The following IMMP2L variants were observed in gnomAD, a reference collection of about 807,000 sequenced individuals.
IMMP2L encodes the protein mitochondrial inner membrane protease subunit 2.
Under a neutral mutation model 19.3 loss-of-function variants are expected in IMMP2L, and 18 were observed. The ratio of observed to expected loss-of-function variants is 0.93; its 90% CI spans 0.64 to 1.38. IMMP2L has a LOEUF of 1.38. Ranked by LOEUF, IMMP2L falls within the 40% of genes most tolerant of loss-of-function variation. IMMP2L has a pLI of 0.00. For missense variants in IMMP2L, 233 were observed against 218.2 expected (o/e 1.07, Z -0.43); for synonymous variants, 76 against 73.0 (o/e 1.04, Z -0.21).
At chr7:111,447,004 AG>A (rs1462215752) in intron 3 of IMMP2L, among the ~76,000 whole-genome samples, 2 of 147,460 alleles carry the variant, frequency 1.4e-5, no homozygotes, top group African/African-American at 5.1e-5. Flanking sequence ...GGAAGTTTAG[AG>A]AAAAAAGAAT....
chr7:110,915,736 T>A (rs573639480), intron 4 of IMMP2L, among the ~76,000 whole-genome samples: 92 of 152,268 alleles, frequency 6.0e-4, no homozygotes, highest in African/African-American at 2.1e-3. Context: ...CTGTACACTT[T>A]GAATGTACAT....
intron 5 of IMMP2L, among the ~76,000 whole-genome samples, chr7:110,881,990 C>T (rs1363268077): frequency 1.3e-5 from 2 of 152,068 alleles, no homozygotes; most frequent in Non-Finnish European, 2.9e-5. Flanking sequence ...TCTCTCATAC[C>T]CCCATCTAGA....
chr7:110,705,416 G>A (rs1794589425), intron 5 of IMMP2L, among the ~76,000 whole-genome samples: 1 of 151,674 alleles, frequency 6.6e-6, no homozygotes, highest in South Asian at 2.1e-4. Flanking sequence ...GCTGTGAACT[G>A]ATTTGTCCAA....
chr7:110,895,048 G>C (rs1214071231), intron 4 of IMMP2L, among the ~76,000 whole-genome samples: 2 of 152,118 alleles, frequency 1.3e-5, no homozygotes, highest in Admixed American at 6.6e-5. Context: ...ATTTACAAAA[G>C]GAAGAAGTTT....
At chr7:111,125,969 G>A (rs1190819127) in intron 3 of IMMP2L, among the ~76,000 whole-genome samples, 1 of 151,616 alleles carries the variant, frequency 6.6e-6, no homozygotes, top group Non-Finnish European at 1.5e-5. Flanking sequence ...ATTACAGGCA[G>A]GTGACTACAT....
intron 3 of IMMP2L, among the ~76,000 whole-genome samples, chr7:111,117,764 A>G (rs1800065759): frequency 6.6e-6 from 1 of 152,076 alleles, no homozygotes. Context: ...GAACTTAGCC[A>G]GCAATTTGCT....
chr7:110,908,785 T>C (rs1180285184), intron 4 of IMMP2L, among the ~76,000 whole-genome samples: 1 of 152,246 alleles, frequency 6.6e-6, no homozygotes, highest in Non-Finnish European at 1.5e-5. Flanking sequence ...AGTAAATAAC[T>C]GGATTCACAA....
intron 5 of IMMP2L, among the ~76,000 whole-genome samples, chr7:110,739,582 G>C (rs541628468): frequency 1.2e-4 from 19 of 152,202 alleles, no homozygotes; most frequent in Non-Finnish European, 2.6e-4. Context: ...ACTAGACCTA[G>C]AAATGAGATA....
chr7:111,521,387 C>T lies in IMMP2L; in HGVS notation c.61G>A (p.Val21Met), dbSNP rs767476647. The change falls in exon 2 of 6, where the codon GTG becomes ATG. Residue 21 changes from valine to methionine, a missense_variant. Physicochemically the swap from Val to Met is conservative, Grantham distance 21. Coordinates refer to ENST00000405709, the MANE Select transcript of IMMP2L (RefSeq NM_032549.4). ...YIKAFCKGFF[V>M]AVPVAVTFLD... is the part of the protein sequence containing the mutation. ...AAAGTCACTGCCACAGGCACCGCCA[C>T]AAAGAAGCCTTTACAAAAGGCCTTG... 6 of 1,613,204 alleles carry T rather than the reference C, an allele frequency of 3.7e-6. No homozygotes were observed. In the African/African-American group the frequency reaches 5.3e-5, roughly 14 times the overall value.
intron 5 of IMMP2L, among the ~76,000 whole-genome samples, chr7:110,774,346 T>A (rs772390219): frequency 3.9e-5 from 6 of 152,100 alleles, no homozygotes; most frequent in Non-Finnish European, 7.4e-5. Context: ...AAAGGCAAAG[T>A]TAGTATGTAA....
At chr7:111,135,974 G>A (rs1232456053) in intron 3 of IMMP2L, among the ~76,000 whole-genome samples, 2 of 151,876 alleles carry the variant, frequency 1.3e-5, no homozygotes, top group East Asian at 3.9e-4. Context: ...TGATGTGACT[G>A]ACAGACATTA....
chr7:110,963,770 A>G lies in IMMP2L; in HGVS notation c.240-205T>C, dbSNP rs184230368. On this transcript the variant is annotated intron_variant, in intron 3 of 5. Coordinates refer to ENST00000405709, the MANE Select transcript of IMMP2L (RefSeq NM_032549.4). Reference sequence around the variant, plus strand: ...TCATTTTAAATAAACTCTGGGGGGGAAAAAAGCCATGTTAAAACTTTACAA... The same window carrying G: ...TCATTTTAAATAAACTCTGGGGGGGGAAAAAGCCATGTTAAAACTTTACAA... 1.1e-3 allele frequency among the ~76,000 whole-genome samples: 167 copies of G among 152,006 alleles called. 1 individual carries two copies. The highest frequency in any genetic ancestry group is 4.2e-3 in the Admixed American group (64 of 15,244).
At chr7:111,172,095 G>A (rs1269106615) in intron 3 of IMMP2L, among the ~76,000 whole-genome samples, 5 of 151,404 alleles carry the variant, frequency 3.3e-5, no homozygotes, top group Non-Finnish European at 5.9e-5. Flanking sequence ...GTGAATCTAT[G>A]TATAGTCAAG....
chr7:110,816,510 C>T lies in IMMP2L; in HGVS notation c.408+70083G>A, dbSNP rs555012484. Among the ~76,000 whole-genome samples the T allele has an allele frequency of 1.2e-4, 18 of 151,768 alleles. 1 individual carries two copies. The East Asian group carries it at 3.5e-3, about 30-fold the overall frequency. ...CTTGGTGCAGAGCTGAGTTCAATTC[C>T]TGGGTATCCTTGTTAACTTTCTGTC... On this transcript the variant is annotated intron_variant, in intron 5 of 5. Coordinates refer to ENST00000405709, the MANE Select transcript of IMMP2L (RefSeq NM_032549.4).
intron 3 of IMMP2L, among the ~76,000 whole-genome samples, chr7:111,252,642 T>C (rs899620446): frequency 1.3e-5 from 2 of 152,170 alleles, no homozygotes; most frequent in African/African-American, 4.8e-5. Context: ...AAGCCAACAC[T>C]AAATCGGGGT....
chr7:111,047,884 C>CTT (rs1585945169), intron 3 of IMMP2L, among the ~76,000 whole-genome samples: 1 of 152,290 alleles, frequency 6.6e-6, no homozygotes, highest in East Asian at 1.9e-4. Context: ...CCTTATCAAG[C>CTT]TTTCCCTTTT....
chr7:111,451,428 T>A (rs973987580), intron 3 of IMMP2L, among the ~76,000 whole-genome samples: 2 of 149,368 alleles, frequency 1.3e-5, no homozygotes, highest in African/African-American at 2.5e-5. Context: ...TGGATGAAAT[T>A]GGAAACCATC....
chr7:110,832,074 C>T (rs890147148), intron 5 of IMMP2L, among the ~76,000 whole-genome samples: 2 of 152,120 alleles, frequency 1.3e-5, no homozygotes, highest in African/African-American at 4.8e-5. Context: ...CTACCCTGGC[C>T]AACGTGGTGA....
chr7:110,914,481 G>A (rs1813380138), intron 4 of IMMP2L, among the ~76,000 whole-genome samples: 1 of 152,170 alleles, frequency 6.6e-6, no homozygotes, highest in Non-Finnish European at 1.5e-5. Flanking sequence ...ATGGTCTGCT[G>A]CTGTGGGTTT....
Sources: gnomAD v4.1 joint callset for allele counts (sites outside exome capture counted in the v4.1 genomes callset) on GRCh38, gnomAD v4.1.1 for gene constraint, MANE v1.5 for transcripts, NCBI Gene and HGNC (gene_info 2026-07-23, HGNC 2026-07-21) for gene names.